Variants in PPFIA2 observed in about 807,000 individuals in gnomAD.
PPFIA2 encodes PPFI scaffold protein A2, also known as liprin-alpha-2.
A neutral mutation model predicts 175.5 loss-of-function variants in PPFIA2; 46 were observed. The ratio of observed to expected loss-of-function variants is 0.26; its 90% CI spans 0.21 to 0.34. The LOEUF (loss-of-function observed/expected upper bound fraction) is 0.34. Among genes scored for constraint, PPFIA2 ranks in the 10% least tolerant of loss-of-function variants. PPFIA2 has a pLI of 1.00. For missense variants in PPFIA2, 1,179 were observed against 1,506.1 expected, an observed-to-expected ratio of 0.78 and a Z score of 3.60; for synonymous variants, 568 against 511.4, an observed-to-expected ratio of 1.11 and a Z score of -1.49.
At chr12:81,614,242 G>A (rs1421554681) in intron 4 of PPFIA2, among the ~76,000 whole-genome samples, 1 of 152,034 alleles carries the variant, frequency 6.6e-6, no homozygotes, top group Non-Finnish European at 1.5e-5. Flanking sequence ...TTAATGAAAA[G>A]AAATATGTGG....
At chr12:81,312,319 G>C in intron 22 of PPFIA2, 1 of 729,922 alleles carries the variant, frequency 1.4e-6, no homozygotes, top group South Asian at 1.7e-5. Context: ...GTGCCATTTT[G>C]TATTTCATCA....
At chr12:81,538,773 G>GTCC (rs1367589688) in intron 4 of PPFIA2, among the ~76,000 whole-genome samples, 1 of 151,858 alleles carries the variant, frequency 6.6e-6, no homozygotes, top group Non-Finnish European at 1.5e-5. Context: ...ATGAGGTGAA[G>GTCC]TCAGAGCATG....
At chr12:81,267,096 G>T in intron 29 of PPFIA2, 76 bp from the exon 30 acceptor site, 1 of 1,074,476 alleles carries the variant, frequency 9.3e-7, no homozygotes. Context: ...ATATTTATCT[G>T]ATAATGTATT....
chr12:81,442,034 A>G (rs1291343619), intron 6 of PPFIA2, among the ~76,000 whole-genome samples: 1 of 152,044 alleles, frequency 6.6e-6, no homozygotes, highest in Non-Finnish European at 1.5e-5. Context: ...CTTTTTTTAA[A>G]CTTAAACTCT....
chr12:81,567,341 G>A (rs376371018), intron 4 of PPFIA2, among the ~76,000 whole-genome samples: 2 of 152,142 alleles, frequency 1.3e-5, no homozygotes, highest in African/African-American at 4.8e-5. Flanking sequence ...GATCCACTGC[G>A]CCCGGCCAGG....
At position 81,482,997 on chromosome 12, in the gene PPFIA2, T is replaced by C. The variant is rs555283066; in HGVS notation, c.304-25131A>G. The stretch of plus-strand genomic sequence containing the variant: ...GATATACTATGATACATATTATTTG[T>C]GATAAAAATTGAATTGTGTTTTATA... On this transcript the variant is annotated intron_variant, in intron 4 of 32. Coordinates refer to ENST00000549396, the MANE Select transcript of PPFIA2 (RefSeq NM_003625.5). Among the ~76,000 whole-genome samples, 5 of 152,278 alleles carry C rather than the reference T, an allele frequency of 3.3e-5. No homozygotes were observed. The South Asian group carries it at 1.0e-3, about 32-fold the overall frequency.
chr12:81,470,925 G>T (rs1052492182), intron 4 of PPFIA2, among the ~76,000 whole-genome samples: 20 of 151,980 alleles, frequency 1.3e-4, no homozygotes, highest in African/African-American at 4.8e-4. Flanking sequence ...TCCCCCATCT[G>T]CTGGTAACCA....
chr12:81,597,824 A>G, intron 4 of PPFIA2: 1 of 926,578 alleles, frequency 1.1e-6, no homozygotes, highest in Non-Finnish European at 1.6e-6. Flanking sequence ...CATGCACATT[A>G]TTCATTCCAT....
At chr12:81,497,972 G>A (rs1354214330) in intron 4 of PPFIA2, among the ~76,000 whole-genome samples, 3 of 152,050 alleles carry the variant, frequency 2.0e-5, no homozygotes, top group Non-Finnish European at 2.9e-5. Flanking sequence ...CAATTAAATT[G>A]GTTTGGAAAA....
rs557976889 is a variant in PPFIA2 at position 81,756,375 on chromosome 12, G to A, written c.-3+2025C>T. On this transcript the variant is annotated intron_variant, in intron 2 of 32. Coordinates refer to ENST00000549396, the MANE Select transcript of PPFIA2 (RefSeq NM_003625.5). ...TTCCAAGGCAAAGCATAACAGCAGTGAATACCCCAATATAATTTTCACCTG... is the reference window on the plus strand; with the variant it reads ...TTCCAAGGCAAAGCATAACAGCAGTAAATACCCCAATATAATTTTCACCTG... Among the ~76,000 whole-genome samples the A allele has an allele frequency of 7.2e-5, 11 of 152,146 alleles. No individual in the cohort carries two copies. In the South Asian group the frequency reaches 1.0e-3, roughly 14 times the overall value.
intron 7 of PPFIA2, among the ~76,000 whole-genome samples, chr12:81,423,026 A>C (rs999037259): frequency 6.6e-6 from 1 of 152,184 alleles, no homozygotes; most frequent in African/African-American, 2.4e-5. Flanking sequence ...AGAGCCAAGA[A>C]GGAATGGGTA....
At chr12:81,511,638 G>A (rs1399646798) in intron 4 of PPFIA2, among the ~76,000 whole-genome samples, 1 of 151,938 alleles carries the variant, frequency 6.6e-6, no homozygotes, top group African/African-American at 2.4e-5. Context: ...CAACCCTGAT[G>A]TTTACTTTCA....
intron 4 of PPFIA2, among the ~76,000 whole-genome samples, chr12:81,663,537 G>A (rs1049775955): frequency 9.2e-5 from 14 of 152,132 alleles, no homozygotes; most frequent in African/African-American, 3.4e-4. Flanking sequence ...CGAAATAAAA[G>A]AGGATACAAA....
At chr12:81,662,111 T>C (rs1360463747) in intron 4 of PPFIA2, among the ~76,000 whole-genome samples, 3 of 151,708 alleles carry the variant, frequency 2.0e-5, no homozygotes, top group Non-Finnish European at 2.9e-5. Context: ...AGATCTAAAA[T>C]TGACACCCTA....
intron 7 of PPFIA2, among the ~76,000 whole-genome samples, chr12:81,407,994 A>C (rs908936106): frequency 1.3e-5 from 2 of 152,188 alleles, no homozygotes; most frequent in Non-Finnish European, 2.9e-5. Flanking sequence ...ATGAAGTAGC[A>C]CATCAAATTA....
intron 3 of PPFIA2, among the ~76,000 whole-genome samples, chr12:81,687,732 A>G (rs1215406227): frequency 6.6e-6 from 1 of 152,040 alleles, no homozygotes; most frequent in Non-Finnish European, 1.5e-5. Flanking sequence ...ATGTCCTAGT[A>G]CACAAATTAG....
intron 23 of PPFIA2, chr12:81,298,565 C>T (rs893025274): frequency 6.6e-6 from 1 of 152,218 alleles, no homozygotes; most frequent in Admixed American, 6.5e-5. Flanking sequence ...CTAGCAGCTA[C>T]TAGCAGCTCA....
At chr12:81,734,656 A>G (rs1338452964) in intron 3 of PPFIA2, among the ~76,000 whole-genome samples, 3 of 151,822 alleles carry the variant, frequency 2.0e-5, no homozygotes, top group Non-Finnish European at 4.4e-5. Flanking sequence ...ATTGGGAGCC[A>G]TGGAAAGTTA....
At chr12:81,288,696 A>C (rs986659116) in intron 24 of PPFIA2, among the ~76,000 whole-genome samples, 1 of 151,740 alleles carries the variant, frequency 6.6e-6, no homozygotes, top group Non-Finnish European at 1.5e-5. Flanking sequence ...TTACTTTGTA[A>C]TGGAATTACA....
Sources: allele counts gnomAD v4.1 joint callset (sites outside exome capture counted in the v4.1 genomes callset), GRCh38; gene constraint gnomAD v4.1.1; transcripts MANE v1.5; gene names NCBI Gene and HGNC (gene_info 2026-07-23, HGNC 2026-07-21).